Variants in ARV1 observed in about 807,000 individuals in gnomAD.
The protein encoded by ARV1 is ARV1 fatty acid homeostasis modulator, also known as protein ARV1.
ARV1 carries 26 observed loss-of-function variants against 31.1 expected under a neutral mutation model. That is an observed-to-expected ratio of 0.84 (90% CI 0.61 to 1.16). ARV1 has a LOEUF of 1.16. Among genes scored for constraint, ARV1 ranks in the 50% most tolerant of loss-of-function variants. The probability of loss-of-function intolerance (pLI) is 0.00; values close to 1 mark genes in which losing one functional copy is unlikely to be tolerated. For synonymous variants in ARV1, 117 were observed against 123.2 expected, an observed-to-expected ratio of 0.95 and a Z score of 0.34; for missense variants, 281 against 324.9, an observed-to-expected ratio of 0.86 and a Z score of 1.04.
rs1189194460 is a variant in ARV1 at position 230,984,371 on chromosome 1, T to TGCGCGTGC, written c.175-3948_175-3947insCGCGTGCG. On this transcript the variant is annotated intron_variant, in intron 1 of 5. Transcript: ENST00000310256. ...GTGTGTGTGTGTGTGTGCGTGTGTG[T>TGCGCGTGC]GTGTGTGTGTGTGTGTGTGTGTGTG... 4.5e-3 allele frequency among the ~76,000 whole-genome samples: 382 copies of TGCGCGTGC among 85,562 alleles called. 3 individuals carry two copies. Among genetic ancestry groups the TGCGCGTGC allele is most frequent in the African/African-American group, 0.015 (356 of 23,024 alleles). The allele number at this position is 85,562 out of a possible 152,430, so 56.1% of individuals were successfully genotyped here.
chr1:230,997,968 C>T (rs1378983330), intron 5 of ARV1, among the ~76,000 whole-genome samples: 2 of 152,186 alleles, frequency 1.3e-5, no homozygotes, highest in East Asian at 1.9e-4. Flanking sequence ...CTGTTCTGGT[C>T]GTCCCCTTTG....
intron 3 of ARV1, among the ~76,000 whole-genome samples, chr1:230,992,115 G>A (rs1679245022): frequency 6.6e-6 from 1 of 152,200 alleles, no homozygotes; most frequent in Non-Finnish European, 1.5e-5. Flanking sequence ...TGTCACTGTT[G>A]TGCTAGAACA....
Position 230,979,229 on chromosome 1 carries a change from A to C in ARV1, c.124A>C (p.Lys42Gln). The C allele has an allele frequency of 5.0e-6, 8 of 1,613,682 alleles. No homozygotes were observed. The highest frequency in any genetic ancestry group is 6.8e-6 in the Non-Finnish European group (8 of 1,179,842). Residue 42 changes from lysine to glutamine, a missense_variant, in exon 1 of 6, where the codon AAA (lysine) becomes CAA (glutamine). By Grantham distance (53) the Lys-to-Gln change is moderately conservative (BLOSUM62 1). Transcript: ENST00000310256. Reference sequence around the variant, plus strand: ...GTGCATCGAATGCAACCAGGAGGCCAAAGAGTTGTACCGAGACTATAACCA... The same window carrying C: ...GTGCATCGAATGCAACCAGGAGGCCCAAGAGTTGTACCGAGACTATAACCA... ...YRCIECNQEAKELYRDYNHGV... is the reference protein window; with the variant it reads ...YRCIECNQEAQELYRDYNHGV...
At position 230,990,370 on chromosome 1, in the gene ARV1, T is replaced by C. The variant is rs868860372; in HGVS notation, c.448+107T>C. Reference sequence around the variant, plus strand: ...ATTGTTGGTAAGAAGAGCTAGTTAATATGGGACTTAAGATGAAATTTTCAG... The same window carrying C: ...ATTGTTGGTAAGAAGAGCTAGTTAACATGGGACTTAAGATGAAATTTTCAG... On this transcript the variant is annotated intron_variant, in intron 3 of 5. Coordinates refer to ENST00000310256, the MANE Select transcript of ARV1 (RefSeq NM_022786.3). 20 of 1,409,410 alleles carry C rather than the reference T, an allele frequency of 1.4e-5. No individual in the cohort carries two copies. In the Middle Eastern group the frequency reaches 2.2e-3, roughly 153 times the overall value. 87.3% of individuals were successfully genotyped at this position (1,409,410 alleles called of 1,614,324 possible).
chr1:230,979,984 C>G (rs961846152), intron 1 of ARV1, among the ~76,000 whole-genome samples: 3 of 152,144 alleles, frequency 2.0e-5, no homozygotes, highest in African/African-American at 7.2e-5. Flanking sequence ...AGCAAAGAAC[C>G]TGTCACAGAA....
At chr1:230,992,901 C>T (rs970030451) in intron 3 of ARV1, among the ~76,000 whole-genome samples, 5 of 151,980 alleles carry the variant, frequency 3.3e-5, no homozygotes, top group East Asian at 3.8e-4. Flanking sequence ...TCCAGTCTAT[C>T]GATAATTTTG....
intron 2 of ARV1, among the ~76,000 whole-genome samples, chr1:230,989,807 G>T (rs1198111853): frequency 6.6e-6 from 1 of 152,104 alleles, no homozygotes; most frequent in African/African-American, 2.4e-5. Flanking sequence ...TCTTAACTAG[G>T]GGTGCACATT....
intron 2 of ARV1, among the ~76,000 whole-genome samples, chr1:230,989,808 G>A (rs924628007): frequency 3.9e-5 from 6 of 152,064 alleles, no homozygotes; most frequent in South Asian, 4.1e-4. Context: ...CTTAACTAGG[G>A]GTGCACATTA....
At chr1:230,986,220 G>A (rs1420149604) in intron 1 of ARV1, among the ~76,000 whole-genome samples, 2 of 152,040 alleles carry the variant, frequency 1.3e-5, no homozygotes, top group East Asian at 3.9e-4. Context: ...ACCATGCCTG[G>A]CCCTGATTAA....
chr1:230,987,483 G>A (rs1239299726), intron 1 of ARV1, among the ~76,000 whole-genome samples: 2 of 152,142 alleles, frequency 1.3e-5, no homozygotes, highest in African/African-American at 4.8e-5. Context: ...CGTTTTTTAT[G>A]TTCTAGTGAT....
At chr1:230,984,365 T>TGTGTGTGTGTGC (rs1553303960) in intron 1 of ARV1, among the ~76,000 whole-genome samples, 1 of 71,360 alleles carries the variant, frequency 1.4e-5, no homozygotes, top group South Asian at 4.4e-4. Flanking sequence ...TGTGTGTGCG[T>TGTGTGTGTGTGC]GTGTGTGTGT....
intron 3 of ARV1, among the ~76,000 whole-genome samples, chr1:230,994,992 A>AT (rs1268467070): frequency 6.6e-6 from 1 of 152,262 alleles, no homozygotes; most frequent in African/African-American, 2.4e-5. Flanking sequence ...TAAACTGCTA[A>AT]TAACATAGCT....
At position 230,990,200 on chromosome 1, in the gene ARV1, G is replaced by T; in HGVS notation, c.385G>T (p.Asp129Tyr). 6.2e-7 allele frequency: 1 copy of T among 1,613,178 alleles called. No individual in the cohort carries two copies. Among genetic ancestry groups the T allele is most frequent in the Non-Finnish European group, 8.5e-7 (1 of 1,179,854 alleles). The change falls in exon 3 of 6, where the codon GAT becomes TAT. Residue 129 changes from aspartate to tyrosine, a missense_variant. Physicochemically the swap from Asp to Tyr is radical, Grantham distance 160 (BLOSUM62 -3). Transcript: ENST00000310256. ...LQDSNQNTAPDDLIRYAKEWD... is the reference protein window; with the variant it reads ...LQDSNQNTAPYDLIRYAKEWD... ...AGATTCCAACCAGAATACTGCCCCT[G>T]ATGACTTGATCAGATATGCTAAGGA...
At chr1:230,979,557 A>G (rs1163492009) in intron 1 of ARV1, 2 of 407,328 alleles carry the variant, frequency 4.9e-6, no homozygotes, top group Non-Finnish European at 8.7e-6. Context: ...TTAAAGATCA[A>G]TTAGGTTGAC....
intron 1 of ARV1, among the ~76,000 whole-genome samples, chr1:230,981,313 A>G (rs1678904566): frequency 6.6e-6 from 1 of 152,206 alleles, no homozygotes; most frequent in Non-Finnish European, 1.5e-5. Flanking sequence ...CCTGAACTCC[A>G]GACTTAAATG....
rs1490975295 is a variant in ARV1 at position 230,979,656 on chromosome 1, G to GCTTTTT, written c.174+377_174+378insCTTTTT. The GCTTTTT allele has an allele frequency of 2.1e-5, 5 of 239,076 alleles. 1 individual carries two copies. In the East Asian group the frequency reaches 8.2e-4, roughly 39 times the overall value. The allele number at this position is 239,076 out of a possible 1,614,324, so 14.8% of individuals were successfully genotyped here. On this transcript the variant is annotated intron_variant, in intron 1 of 5. Coordinates refer to ENST00000310256, the MANE Select transcript of ARV1 (RefSeq NM_022786.3). ...ATCCTTACCCTCCACAACCCATGTTGAATTCACCTACGATGCTTTTTAAAG... is the reference window on the plus strand; with the variant it reads ...ATCCTTACCCTCCACAACCCATGTTGCTTTTTAATTCACCTACGATGCTTTTTAAAG...
At chr1:230,993,668 G>A (rs1332601989) in intron 3 of ARV1, among the ~76,000 whole-genome samples, 5 of 152,324 alleles carry the variant, frequency 3.3e-5, no homozygotes, top group Non-Finnish European at 1.5e-5. Flanking sequence ...GCCAAGACAG[G>A]TGGATTACTT....
At chr1:230,994,611 G>A (rs1426095093) in intron 3 of ARV1, among the ~76,000 whole-genome samples, 3 of 148,478 alleles carry the variant, frequency 2.0e-5, no homozygotes, top group African/African-American at 5.0e-5. Context: ...GCACAATCTC[G>A]GCTCACTGCA....
At chr1:230,983,893 A>T (rs1003237862) in intron 1 of ARV1, among the ~76,000 whole-genome samples, 1 of 152,210 alleles carries the variant, frequency 6.6e-6, no homozygotes, top group African/African-American at 2.4e-5. Flanking sequence ...ACTTGCCTAT[A>T]AAGTAGTAAA....
Sources: gnomAD v4.1 joint callset for allele counts (sites outside exome capture counted in the v4.1 genomes callset) on GRCh38, gnomAD v4.1.1 for gene constraint, MANE v1.5 for transcripts, NCBI Gene and HGNC (gene_info 2026-07-23, HGNC 2026-07-21) for gene names.